PGAP1: variants seen among roughly 807,000 people sequenced by gnomAD.
PGAP1 encodes the protein GPI inositol-deacylase.
In PGAP1, 76 loss-of-function variants were observed where a neutral mutation model predicts 127.0. The ratio of observed to expected loss-of-function variants is 0.60; its 90% CI spans 0.50 to 0.72. The LOEUF (loss-of-function observed/expected upper bound fraction) is 0.72. PGAP1 is among the 30% of genes least tolerant of loss of function. The pLI is 0.00. For missense variants in PGAP1, 982 were observed against 1,071.3 expected, an observed-to-expected ratio of 0.92 and a Z score of 1.16; for synonymous variants, 362 against 366.5, an observed-to-expected ratio of 0.99 and a Z score of 0.14.
chr2:196,901,811 C>T (rs1035807397), intron 5 of PGAP1, among the ~76,000 whole-genome samples: 6 of 152,152 alleles, frequency 3.9e-5, no homozygotes, highest in Non-Finnish European at 8.8e-5. Context: ...TCAAGTTTAA[C>T]ATTCAGAAGT....
At chr2:196,866,930 A>G (rs1701262437) in intron 19 of PGAP1, among the ~76,000 whole-genome samples, 1 of 147,802 alleles carries the variant, frequency 6.8e-6, no homozygotes, top group Non-Finnish European at 1.5e-5. Flanking sequence ...CAAAACAACA[A>G]TGAGATACCA....
intron 2 of PGAP1, 125 bp downstream of exon 2, chr2:196,919,872 C>T: frequency 1.1e-6 from 1 of 951,422 alleles, no homozygotes; most frequent in Non-Finnish European, 1.5e-6. Flanking sequence ...CTCTGTAAGC[C>T]CAGCACAGCA....
chr2:196,865,820 T>C (rs1701221470), intron 19 of PGAP1, among the ~76,000 whole-genome samples: 1 of 152,112 alleles, frequency 6.6e-6, no homozygotes, highest in Non-Finnish European at 1.5e-5. Flanking sequence ...AGCATTCCTA[T>C]ACACCAGTAA....
At chr2:196,882,874 G>A (rs765418394) in intron 12 of PGAP1, among the ~76,000 whole-genome samples, 3 of 152,064 alleles carry the variant, frequency 2.0e-5, no homozygotes, top group Non-Finnish European at 4.4e-5. Flanking sequence ...CCCTGGCCAG[G>A]TCTTCCAGTA....
rs1700198181 is a variant in PGAP1 at position 196,834,927 on chromosome 2, G to T, written c.*6307C>A. 1 of 151,908 alleles carries T rather than the reference G, an allele frequency of 6.6e-6. No individual in the cohort carries two copies. The highest frequency in any genetic ancestry group is 1.5e-5 in the Non-Finnish European group (1 of 67,838). The allele number at this position is 151,908 out of a possible 1,614,324, so 9.4% of individuals were successfully genotyped here. ...TAGAATAAACTGTCACTAAATCAAG[G>T]CCAGAGATTTCGATATTTGGCTTTC... On this transcript the variant is annotated 3_prime_UTR_variant, in exon 27 of 27. Coordinates refer to ENST00000354764, the MANE Select transcript of PGAP1 (RefSeq NM_024989.4).
rs1429121138 is a variant in PGAP1, at chr2:196,840,360, T to C, written c.*874A>G. ...CCTAGAGTTTCCAACCACTGGAATT[T>C]AGTTATTTTAACAATCCATTATGAC... On this transcript the variant is annotated 3_prime_UTR_variant, in exon 27 of 27. Transcript: ENST00000354764. The C allele has an allele frequency of 6.6e-6, 1 of 152,180 alleles. No homozygotes were observed. 9.4% of individuals were successfully genotyped at this position (152,180 alleles called of 1,614,324 possible). A position where few individuals can be genotyped will look rare whatever the true frequency, so the allele number is the denominator to read the frequency against.
chr2:196,847,861 T>C (rs1402532436), intron 21 of PGAP1, 86 bp downstream of exon 21: 7 of 1,032,386 alleles, frequency 6.8e-6, no homozygotes, highest in Middle Eastern at 2.5e-4. Context: ...CAAATCTGTA[T>C]GAAAATTTAT....
Position 196,877,368 on chromosome 2 carries a change from G to T in PGAP1, c.1351-1547C>A, listed in dbSNP as rs892126707. 2.6e-5 allele frequency among the ~76,000 whole-genome samples: 4 copies of T among 152,186 alleles called. No individual in the cohort carries two copies. The East Asian group carries it at 5.8e-4, about 22-fold the overall frequency. On this transcript the variant is annotated intron_variant, in intron 13 of 26. Transcript: ENST00000354764. ...ACATAGACATGCAAAAATTATGAAA[G>T]ACTTAAGTTATAATTCTAGTGAGAT...
At chr2:196,841,797 G>A (rs1001401916) in intron 26 of PGAP1, among the ~76,000 whole-genome samples, 22 of 152,282 alleles carry the variant, frequency 1.4e-4, no homozygotes, top group African/African-American at 5.1e-4. Context: ...GATTACAGGC[G>A]TGAGCCACCA....
intron 10 of PGAP1, among the ~76,000 whole-genome samples, chr2:196,887,163 T>A (rs1265633962): frequency 6.6e-6 from 1 of 151,842 alleles, no homozygotes; most frequent in Non-Finnish European, 1.5e-5. Flanking sequence ...GGCAGGCGGA[T>A]CACAACATCA....
rs544853713 is a variant in PGAP1, at chr2:196,843,517, A to C, written c.2525+371T>G. On this transcript the variant is annotated intron_variant, in intron 25 of 26. Transcript: ENST00000354764. Reference sequence around the variant, plus strand: ...TACTACTTGGATGAAGTGGCCTTTTATTTAGCAATTGACCAATTAATAAAA... The same window carrying C: ...TACTACTTGGATGAAGTGGCCTTTTCTTTAGCAATTGACCAATTAATAAAA... Among the ~76,000 whole-genome samples the C allele has an allele frequency of 5.3e-5, 8 of 152,316 alleles. No individual in the cohort carries two copies. The South Asian group carries it at 1.7e-3, about 32-fold the overall frequency.
intron 2 of PGAP1, among the ~76,000 whole-genome samples, chr2:196,917,542 C>T (rs1448518112): frequency 6.6e-6 from 1 of 152,200 alleles, no homozygotes; most frequent in Non-Finnish European, 1.5e-5. Flanking sequence ...CTAGCAACCA[C>T]TGATCTACTT....
At chr2:196,854,804 G>T (rs985699710) in intron 20 of PGAP1, among the ~76,000 whole-genome samples, 3 of 151,914 alleles carry the variant, frequency 2.0e-5, no homozygotes, top group African/African-American at 4.8e-5. Context: ...TGAAGACAGG[G>T]TCTCACTCTG....
intron 19 of PGAP1, among the ~76,000 whole-genome samples, chr2:196,866,045 G>T (rs1701229772): frequency 1.3e-5 from 2 of 152,212 alleles, no homozygotes; most frequent in South Asian, 2.1e-4. Flanking sequence ...TGGCCATACT[G>T]CCCAGAGTAA....
At chr2:196,902,435 CCT>C (rs1301830834) in intron 5 of PGAP1, 148 bp downstream of exon 5, 11 of 526,460 alleles carry the variant, frequency 2.1e-5, no homozygotes, top group Middle Eastern at 3.2e-4. Flanking sequence ...TCTCTCTTTC[CCT>C]CTCTCTCTTA....
Position 196,835,247 on chromosome 2 carries a change from T to C in PGAP1, c.*5987A>G, listed in dbSNP as rs757752700. ...AGATACGCATATTAAAAGGTTGTAC[T>C]ATGTTAGGTTCCAGTGGACAAGTTC... On this transcript the variant is annotated 3_prime_UTR_variant, in exon 27 of 27. Coordinates refer to ENST00000354764, the MANE Select transcript of PGAP1 (RefSeq NM_024989.4). The C allele has an allele frequency of 6.6e-6, 1 of 152,042 alleles. No homozygotes were observed. Among genetic ancestry groups the C allele is most frequent in the Non-Finnish European group, 1.5e-5 (1 of 67,888 alleles). 9.4% of individuals were successfully genotyped at this position (152,042 alleles called of 1,614,324 possible). A position where few individuals can be genotyped will look rare whatever the true frequency, so the allele number is the denominator to read the frequency against.
intron 8 of PGAP1, 69 bp downstream of exon 8, chr2:196,893,071 T>C: frequency 1.1e-6 from 1 of 880,684 alleles, no homozygotes; most frequent in South Asian, 1.7e-5. Context: ...TTGTCTGCTA[T>C]AAACAAATTT....
intron 19 of PGAP1, among the ~76,000 whole-genome samples, chr2:196,869,056 C>A (rs181696821): frequency 3.2e-4 from 48 of 152,180 alleles, no homozygotes; most frequent in Admixed American, 1.2e-3. Flanking sequence ...TAAAAAGAAT[C>A]CACCTTTGAT....
intron 19 of PGAP1, among the ~76,000 whole-genome samples, chr2:196,866,659 GA>G (rs1701251513): frequency 6.6e-6 from 1 of 152,076 alleles, no homozygotes; most frequent in Admixed American, 6.5e-5. Flanking sequence ...CACAGCAAAA[GA>G]AACTATCATC....
Sources: gnomAD v4.1 joint callset for allele counts (sites outside exome capture counted in the v4.1 genomes callset) on GRCh38, gnomAD v4.1.1 for gene constraint, MANE v1.5 for transcripts, NCBI Gene and HGNC (gene_info 2026-07-23, HGNC 2026-07-21) for gene names.